CORIN: variants seen among roughly 807,000 people sequenced by gnomAD.
The protein encoded by CORIN is atrial natriuretic peptide-converting enzyme.
CORIN carries 117 observed loss-of-function variants against 125.3 expected under a neutral mutation model. The ratio of observed to expected loss-of-function variants is 0.93; its 90% CI spans 0.80 to 1.09. The LOEUF (loss-of-function observed/expected upper bound fraction) is 1.09. CORIN is among the 50% of genes least tolerant of loss of function. CORIN has a pLI of 0.00. For synonymous variants in CORIN, 450 were observed against 466.4 expected (o/e 0.96, Z 0.45); for missense variants, 1,253 against 1,306.7 (o/e 0.96, Z 0.63).
chr4:47,804,163 T>A (rs1731665487), intron 2 of CORIN, among the ~76,000 whole-genome samples: 9 of 152,122 alleles, frequency 5.9e-5, no homozygotes, highest in Admixed American at 4.6e-4. Flanking sequence ...AGATATTACC[T>A]CACCCCAGCT....
At chr4:47,785,997 G>A (rs1437762510) in intron 3 of CORIN, among the ~76,000 whole-genome samples, 2 of 151,490 alleles carry the variant, frequency 1.3e-5, no homozygotes, top group African/African-American at 4.9e-5. Flanking sequence ...CCTCCTGCAA[G>A]GGACCAACCA....
intron 16 of CORIN, among the ~76,000 whole-genome samples, chr4:47,631,328 A>G (rs1447460580): frequency 6.6e-6 from 1 of 152,172 alleles, no homozygotes; most frequent in Non-Finnish European, 1.5e-5. Flanking sequence ...ATCTGTGTTT[A>G]CAGCTGCTCA....
chr4:47,824,047 G>A (rs935839709), intron 1 of CORIN, among the ~76,000 whole-genome samples: 1 of 151,252 alleles, frequency 6.6e-6, no homozygotes, highest in African/African-American at 2.4e-5. Flanking sequence ...GGACTCAGTT[G>A]TTCACCAAGG....
chr4:47,793,706 A>C (rs1192360383), intron 2 of CORIN, among the ~76,000 whole-genome samples: 1 of 152,220 alleles, frequency 6.6e-6, no homozygotes, highest in African/African-American at 2.4e-5. Flanking sequence ...TTGGTTTCCA[A>C]TGCAGCACAT....
rs1389237426 is a variant in CORIN, at chr4:47,708,067, A to G, written c.800-14984T>C. 6.6e-5 allele frequency among the ~76,000 whole-genome samples: 10 copies of G among 152,220 alleles called. No homozygotes were observed. In the South Asian group the frequency reaches 1.7e-3, roughly 25 times the overall value. ...AATAGCTAATAGGTGGTGGAGCTAC[A>G]TATCAGAATCTAAGCAGTTTGACTC... On this transcript the variant is annotated intron_variant, in intron 5 of 21. Coordinates refer to ENST00000273857, the MANE Select transcript of CORIN (RefSeq NM_006587.4).
At chr4:47,782,387 G>GAA (rs1265689215) in intron 3 of CORIN, among the ~76,000 whole-genome samples, 1,388 of 61,596 alleles carry the variant, frequency 0.023, 31 homozygotes, top group African/African-American at 0.077. Flanking sequence ...TCCATCTCAA[G>GAA]AAAAAAAAAA....
chr4:47,757,892 A>G (rs992412813), intron 4 of CORIN, among the ~76,000 whole-genome samples: 2 of 144,718 alleles, frequency 1.4e-5, no homozygotes, highest in Non-Finnish European at 3.0e-5. Flanking sequence ...ATATATATAT[A>G]TATATATATA....
intron 12 of CORIN, among the ~76,000 whole-genome samples, chr4:47,657,357 C>T (rs947057476): frequency 1.1e-4 from 16 of 151,748 alleles, no homozygotes; most frequent in African/African-American, 3.6e-4. Flanking sequence ...CACAGTAAAA[C>T]CCCATCTCTA....
chr4:47,623,117 T>TATACACAC (rs141525347), intron 19 of CORIN, among the ~76,000 whole-genome samples: 47 of 134,490 alleles, frequency 3.5e-4, no homozygotes, highest in East Asian at 1.2e-3. Flanking sequence ...TATATATATA[T>TATACACAC]ACACACACAC....
intron 16 of CORIN, among the ~76,000 whole-genome samples, chr4:47,632,687 TA>T (rs1487109553): frequency 6.7e-6 from 1 of 150,322 alleles, no homozygotes; most frequent in Non-Finnish European, 1.5e-5. Context: ...CTCAGTATTT[TA>T]AAAACACTTT....
chr4:47,661,603 C>G, intron 12 of CORIN, 108 bp downstream of exon 12: 1 of 1,075,908 alleles, frequency 9.3e-7, no homozygotes, highest in Non-Finnish European at 1.3e-6. Flanking sequence ...TGATTGGAAA[C>G]TAAATAGAAA....
intron 16 of CORIN, among the ~76,000 whole-genome samples, chr4:47,635,004 T>C (rs1264009905): frequency 6.6e-6 from 1 of 152,224 alleles, no homozygotes; most frequent in Non-Finnish European, 1.5e-5. Context: ...TTCTTCAGTT[T>C]GTATGTTAGT....
chr4:47,667,234 T>A (rs1724520437), intron 10 of CORIN, among the ~76,000 whole-genome samples: 1 of 152,210 alleles, frequency 6.6e-6, no homozygotes, highest in African/African-American at 2.4e-5. Flanking sequence ...CATGTGGAAC[T>A]GTAAGTCCAT....
At chr4:47,729,816 C>T (rs542994059) in intron 5 of CORIN, among the ~76,000 whole-genome samples, 1 of 152,100 alleles carries the variant, frequency 6.6e-6, no homozygotes, top group East Asian at 1.9e-4. Flanking sequence ...GGCTGAATAT[C>T]GGAACCAGCA....
At chr4:47,608,107 G>C (rs1721726109) in intron 19 of CORIN, among the ~76,000 whole-genome samples, 1 of 152,074 alleles carries the variant, frequency 6.6e-6, no homozygotes, top group African/African-American at 2.4e-5. Flanking sequence ...ACTCACCTGA[G>C]GTCAGGAGTT....
intron 2 of CORIN, among the ~76,000 whole-genome samples, chr4:47,794,991 T>G (rs1731231800): frequency 6.6e-6 from 1 of 152,172 alleles, no homozygotes; most frequent in South Asian, 2.1e-4. Flanking sequence ...AGGGTCCCAT[T>G]TCATCCTTTT....
At chr4:47,794,623 A>C (rs1022826166) in intron 2 of CORIN, among the ~76,000 whole-genome samples, 3 of 152,184 alleles carry the variant, frequency 2.0e-5, no homozygotes, top group Admixed American at 6.5e-5. Context: ...AGAAAGAAAA[A>C]GTCAGGAGAA....
At chr4:47,600,381 T>G in intron 20 of CORIN, 34 bp from the exon 21 acceptor site, 1 of 1,520,524 alleles carries the variant, frequency 6.6e-7, no homozygotes, top group Non-Finnish European at 8.9e-7. Flanking sequence ...ATATATATGA[T>G]GATAAAATGA....
At chr4:47,719,408 C>A (rs1727247583) in intron 5 of CORIN, among the ~76,000 whole-genome samples, 1 of 152,194 alleles carries the variant, frequency 6.6e-6, no homozygotes, top group African/African-American at 2.4e-5. Context: ...TGCATAGTTA[C>A]CGCTCCATAA....
Sources: gnomAD v4.1 joint callset for allele counts (sites outside exome capture counted in the v4.1 genomes callset) on GRCh38, gnomAD v4.1.1 for gene constraint, MANE v1.5 for transcripts, NCBI Gene and HGNC (gene_info 2026-07-23, HGNC 2026-07-21) for gene names.